Variants in INSL6 observed in about 807,000 individuals in gnomAD.
INSL6 encodes the protein insulin-like peptide INSL6.
A neutral mutation model predicts 9.4 loss-of-function variants in INSL6; 16 were observed. That is an observed-to-expected ratio of 1.70 (90% CI 1.15 to 2.59). The LOEUF (loss-of-function observed/expected upper bound fraction) is 2.59, where lower values mean the gene tolerates loss of function less well. INSL6 is among the 30% of genes most tolerant of loss of function. The probability of loss-of-function intolerance (pLI) is 0.00; values close to 1 mark genes in which losing one functional copy is unlikely to be tolerated. For missense variants in INSL6, 391 were observed against 257.3 expected (o/e 1.52, Z -3.56); for synonymous variants, 154 against 96.9 (o/e 1.59, Z -3.46).
At chr9:5,099,469 C>A in the INSL6 span, 2 of 152,140 alleles carry the variant, frequency 1.3e-5, no homozygotes, top group African/African-American at 2.4e-5. Flanking sequence ...CTTTATTCTC[C>A]ATTATTCAGT....
At chr9:5,114,515 G>A in the INSL6 span, 50 of 468,640 alleles carry the variant, frequency 1.1e-4, no homozygotes, top group South Asian at 4.1e-4. Flanking sequence ...TGTTTGCAAC[G>A]CTAGAAGAGC....
chr9:5,127,172 A>G (rs941103826), intron 3 of INSL6: 1 of 240,130 alleles, frequency 4.2e-6, no homozygotes, highest in African/African-American at 2.2e-5. Context: ...TTTTTACCAC[A>G]GTGGATGTAT....
the INSL6 span, among the ~76,000 whole-genome samples, chr9:5,115,175 G>A: frequency 6.6e-6 from 1 of 151,980 alleles, no homozygotes; most frequent in African/African-American, 2.4e-5. Flanking sequence ...CCTGACAAAA[G>A]GCTAATATCA....
the INSL6 span, among the ~76,000 whole-genome samples, chr9:5,088,897 G>C: frequency 7.4e-4 from 113 of 152,298 alleles, no homozygotes; most frequent in African/African-American, 2.6e-3. Context: ...TCCAAATACA[G>C]TCATATTGGG....
chr9:5,119,889 T>C (rs1271453578), downstream of INSL6, among the ~76,000 whole-genome samples: 2 of 152,206 alleles, frequency 1.3e-5, no homozygotes, highest in African/African-American at 4.8e-5. Flanking sequence ...AAATATTTTA[T>C]ACAATGAAAT....
chr9:5,081,861 G>C, the INSL6 span: 15 of 1,610,402 alleles, frequency 9.3e-6, no homozygotes, highest in Non-Finnish European at 1.3e-5. Flanking sequence ...AACTTGGCAA[G>C]GTAAATTGTC....
chr9:5,175,743 G>C (rs1174066918), intron 1 of INSL6, among the ~76,000 whole-genome samples: 1 of 152,236 alleles, frequency 6.6e-6, no homozygotes, highest in Middle Eastern at 3.4e-3. Flanking sequence ...GCATGCCAGG[G>C]ATCTAGGTTG....
At chr9:5,058,503 G>T in the INSL6 span, among the ~76,000 whole-genome samples, 1 of 152,030 alleles carries the variant, frequency 6.6e-6, no homozygotes, top group East Asian at 1.9e-4. Context: ...TCCCTCCCTC[G>T]ACACATGGGG....
At chr9:5,117,393 T>C in the INSL6 span, among the ~76,000 whole-genome samples, 1 of 152,218 alleles carries the variant, frequency 6.6e-6, no homozygotes, top group Non-Finnish European at 1.5e-5. Flanking sequence ...AGCTCTACTT[T>C]TGTTATAGAA....
the INSL6 span, among the ~76,000 whole-genome samples, chr9:5,042,701 C>T: frequency 6.6e-6 from 1 of 152,164 alleles, no homozygotes; most frequent in Non-Finnish European, 1.5e-5. Flanking sequence ...TGGAGGGGTG[C>T]TGTGGGGCCA....
At chr9:5,119,191 C>A (rs1273484575), downstream of INSL6, among the ~76,000 whole-genome samples, 1 of 152,124 alleles carries the variant, frequency 6.6e-6, no homozygotes, top group African/African-American at 2.4e-5. Flanking sequence ...TCAAACAAAT[C>A]ACTTAATTTC....
intron 2 of INSL6, among the ~76,000 whole-genome samples, chr9:5,158,489 C>A (rs1272800677): frequency 5.3e-5 from 8 of 152,048 alleles, no homozygotes; most frequent in Admixed American, 2.0e-4. Flanking sequence ...AGAAAAGAAA[C>A]AAACAAGATA....
At position 5,147,424 on chromosome 9, in the gene INSL6, G is replaced by T. The variant is rs541340894; in HGVS notation, c.377-13832C>A. On this transcript the variant is annotated intron_variant, in intron 2 of 3. Transcript: ENST00000649639. ...GGAAGGTTCTGCTGCAGAGGCAATG[G>T]CAGAGAACTTTCAGTTGCCCCTGGA... Among the ~76,000 whole-genome samples, 19 of 152,304 alleles carry T rather than the reference G, an allele frequency of 1.2e-4. 1 individual carries two copies. Among genetic ancestry groups the T allele is most frequent in the African/African-American group, 4.3e-4 (18 of 41,570 alleles).
At chr9:5,115,270 C>T in the INSL6 span, among the ~76,000 whole-genome samples, 1 of 152,100 alleles carries the variant, frequency 6.6e-6, no homozygotes, top group East Asian at 1.9e-4. Context: ...AGACACTTCT[C>T]AAAAGAAGAC....
chr9:5,095,029 C>T, the INSL6 span: 1 of 150,484 alleles, frequency 6.6e-6, no homozygotes, highest in Admixed American at 6.7e-5. Context: ...GGAAATATGT[C>T]TGACAAAAGA....
the INSL6 span, among the ~76,000 whole-genome samples, chr9:5,037,407 C>A: frequency 6.6e-6 from 1 of 152,084 alleles, no homozygotes; most frequent in Non-Finnish European, 1.5e-5. Context: ...CACATGCACA[C>A]GTATGTTTAT....
the INSL6 span, among the ~76,000 whole-genome samples, chr9:5,024,371 A>T: frequency 6.6e-6 from 1 of 152,198 alleles, no homozygotes; most frequent in Non-Finnish European, 1.5e-5. Flanking sequence ...AAAAGAAAAT[A>T]ATAGAAAAGA....
At chr9:5,041,479 C>T in the INSL6 span, 1 of 600,170 alleles carries the variant, frequency 1.7e-6, no homozygotes, top group East Asian at 3.8e-5. Flanking sequence ...CTGACACGAT[C>T]ATGAGCGGTA....
chr9:5,066,786 C>A, the INSL6 span: 1 of 1,485,956 alleles, frequency 6.7e-7, no homozygotes, highest in Non-Finnish European at 9.1e-7. Context: ...CTTTTGCTGT[C>A]GAGGTTAGTA....
Sources: allele counts gnomAD v4.1 joint callset (sites outside exome capture counted in the v4.1 genomes callset), GRCh38; gene constraint gnomAD v4.1.1; transcripts MANE v1.5; gene names NCBI Gene and HGNC (gene_info 2026-07-23, HGNC 2026-07-21).